The following LHPP variants were observed in gnomAD, a reference collection of about 807,000 sequenced individuals.
LHPP encodes hLHPP.
In LHPP, 24 loss-of-function variants were observed where a neutral mutation model predicts 30.3. That is an observed-to-expected ratio of 0.79 (90% CI 0.57 to 1.11). The LOEUF (loss-of-function observed/expected upper bound fraction) is 1.11. Ranked by LOEUF, LHPP falls within the 50% of genes most tolerant of loss-of-function variation. The probability of loss-of-function intolerance (pLI) is 0.00; values close to 1 mark genes in which losing one functional copy is unlikely to be tolerated. For missense variants in LHPP, 356 were observed against 367.2 expected, an observed-to-expected ratio of 0.97 and a Z score of 0.25; for synonymous variants, 150 against 157.1, an observed-to-expected ratio of 0.95 and a Z score of 0.34.
chr10:124,551,246 C>T (rs1026259132), intron 6 of LHPP, among the ~76,000 whole-genome samples: 16 of 152,154 alleles, frequency 1.1e-4, no homozygotes, highest in African/African-American at 2.9e-4. Context: ...GCCTGGGGCC[C>T]CAGAGAGGCC....
At chr10:124,476,982 C>A (rs1033882052) in intron 1 of LHPP, among the ~76,000 whole-genome samples, 1 of 152,146 alleles carries the variant, frequency 6.6e-6, no homozygotes, top group Non-Finnish European at 1.5e-5. Context: ...CTGAGACTGG[C>A]GGATCACGAG....
chr10:124,538,728 G>T (rs1955102175), intron 6 of LHPP, among the ~76,000 whole-genome samples: 1 of 152,208 alleles, frequency 6.6e-6, no homozygotes, highest in Non-Finnish European at 1.5e-5. Flanking sequence ...GAATTAACTA[G>T]CTCCTTCTCT....
chr10:124,539,482 C>T (rs1385729497), intron 6 of LHPP, among the ~76,000 whole-genome samples: 6 of 152,208 alleles, frequency 3.9e-5, no homozygotes, highest in South Asian at 4.1e-4. Flanking sequence ...AAAATTTGGC[C>T]GGGCATGGTG....
chr10:124,526,270 C>T, intron 6 of LHPP: 1 of 981,482 alleles, frequency 1.0e-6, no homozygotes, highest in African/African-American at 1.7e-5. Flanking sequence ...CGCAGGTATG[C>T]CTCATGGCGG....
Position 124,599,071 on chromosome 10 carries a change from C to T in LHPP, c.717-14193C>T, listed in dbSNP as rs1007238104. 1.6e-4 allele frequency among the ~76,000 whole-genome samples: 25 copies of T among 152,082 alleles called. No homozygotes were observed. The East Asian group carries it at 4.8e-3, about 29-fold the overall frequency. On this transcript the variant is annotated intron_variant, in intron 6 of 6. Transcript: ENST00000368842. ...CATCCCTGTCCATCCATCCACTCAT[C>T]CACCCTGATGCAGTGCCTGCCGTCC...
intron 1 of LHPP, 119 bp from the exon 2 acceptor site, chr10:124,484,020 C>T: frequency 1.1e-6 from 1 of 884,016 alleles, no homozygotes; most frequent in Non-Finnish European, 1.8e-6. Context: ...CAGGGGCTCG[C>T]AGTGGCCTAG....
chr10:124,581,785 ACAC>A (rs1446372558), intron 6 of LHPP, among the ~76,000 whole-genome samples: 1 of 148,056 alleles, frequency 6.8e-6, no homozygotes, highest in East Asian at 2.0e-4. Context: ...ACACACACAC[ACAC>A]ATTTTTTCTT....
chr10:124,550,730 G>T (rs375800783), intron 6 of LHPP, among the ~76,000 whole-genome samples: 2 of 152,200 alleles, frequency 1.3e-5, no homozygotes, highest in African/African-American at 4.8e-5. Context: ...TCCAGGCGGC[G>T]ATTCCGGAAA....
At chr10:124,491,438 A>G (rs1355710839) in intron 3 of LHPP, among the ~76,000 whole-genome samples, 3 of 152,092 alleles carry the variant, frequency 2.0e-5, no homozygotes, top group Non-Finnish European at 4.4e-5. Context: ...TCTGACTACA[A>G]CCTTGTGGGA....
At chr10:124,511,429 G>T (rs185268529) in intron 5 of LHPP, among the ~76,000 whole-genome samples, 7 of 152,204 alleles carry the variant, frequency 4.6e-5, no homozygotes, top group Non-Finnish European at 1.0e-4. Context: ...GAGAAAATCC[G>T]TGGAAAGTAT....
In LHPP at chr10:124,527,777, T is replaced by TA. The variant is rs201595790; in HGVS notation, c.716+10506_716+10507insA. 2.4e-5 allele frequency among the ~76,000 whole-genome samples: 3 copies of TA among 124,560 alleles called. No homozygotes were observed. The Admixed American group carries it at 2.6e-4, about 11-fold the overall frequency. 81.7% of individuals were successfully genotyped at this position (124,560 alleles called of 152,430 possible). ...TTGGACGTGATCTCTTTGTGCTTTT[T>TA]TTTTTTTGTTTTTTTCTTTTTGAGA... On this transcript the variant is annotated intron_variant, in intron 6 of 6. Transcript: ENST00000368842.
chr10:124,501,054 G>C (rs1269173682), intron 5 of LHPP, among the ~76,000 whole-genome samples: 1 of 152,014 alleles, frequency 6.6e-6, no homozygotes, highest in African/African-American at 2.4e-5. Flanking sequence ...CCATACAGTG[G>C]AATATTATTC....
At chr10:124,566,062 T>C (rs1028378325) in intron 6 of LHPP, among the ~76,000 whole-genome samples, 2 of 152,208 alleles carry the variant, frequency 1.3e-5, no homozygotes, top group African/African-American at 4.8e-5. Context: ...CTGGCAATGT[T>C]TGTTGTGGGC....
intron 6 of LHPP, among the ~76,000 whole-genome samples, chr10:124,564,621 AG>A (rs529351973): frequency 1.0e-3 from 153 of 152,228 alleles, no homozygotes; most frequent in African/African-American, 3.5e-3. Context: ...ATATGAACAG[AG>A]CCCCTGCTAG....
chr10:124,529,031 T>C lies in LHPP; in HGVS notation c.716+11760T>C, dbSNP rs1469398068. 8.9e-3 allele frequency among the ~76,000 whole-genome samples: 1,249 copies of C among 140,516 alleles called. 33 individuals are homozygous for C. Among genetic ancestry groups the C allele is most frequent in the African/African-American group, 0.028 (1,046 of 37,356 alleles). 92.2% of individuals were successfully genotyped at this position (140,516 alleles called of 152,430 possible). ...GTTTGTGAATTTGGGGGATTCTTTT[T>C]TTTTTTTTTTTTTTTTTTGAGACAG... is the stretch of plus-strand genomic sequence containing the variant. On this transcript the variant is annotated intron_variant, in intron 6 of 6. Transcript: ENST00000368842.
intron 6 of LHPP, among the ~76,000 whole-genome samples, chr10:124,572,778 A>C (rs992366968): frequency 6.6e-6 from 1 of 152,052 alleles, no homozygotes; most frequent in African/African-American, 2.4e-5. Context: ...ATAATAAAGA[A>C]ATCCAGAGGT....
intron 6 of LHPP, chr10:124,612,888 G>A: frequency 4.0e-6 from 1 of 249,896 alleles, no homozygotes. Context: ...GGCCAGGCCA[G>A]GGGTGTGGGG....
At chr10:124,550,873 C>T (rs1589856458) in intron 6 of LHPP, among the ~76,000 whole-genome samples, 2 of 152,192 alleles carry the variant, frequency 1.3e-5, no homozygotes, top group South Asian at 2.1e-4. Context: ...CCCAAGGTAA[C>T]GTCCAAGCTC....
chr10:124,545,348 C>T (rs2133950376), intron 6 of LHPP, among the ~76,000 whole-genome samples: 1 of 152,350 alleles, frequency 6.6e-6, no homozygotes, highest in Admixed American at 6.5e-5. Flanking sequence ...AGACTTCCGC[C>T]TGGTCCCTGC....
Sources: gnomAD v4.1 joint callset for allele counts (sites outside exome capture counted in the v4.1 genomes callset) on GRCh38, gnomAD v4.1.1 for gene constraint, MANE v1.5 for transcripts, NCBI Gene and HGNC (gene_info 2026-07-23, HGNC 2026-07-21) for gene names.